Variants in DLGAP1 observed in about 807,000 individuals in gnomAD.
DLGAP1 encodes the protein disks large-associated protein 1.
DLGAP1 carries 11 observed loss-of-function variants against 90.8 expected under a neutral mutation model. The observed-to-expected ratio is 0.12, with a 90% CI of 0.08 to 0.20. The LOEUF (loss-of-function observed/expected upper bound fraction) is 0.20. DLGAP1 is among the 10% of genes least tolerant of loss of function. The pLI is 1.00. For missense variants in DLGAP1, 1,050 were observed against 1,333.8 expected (o/e 0.79, Z 3.31); for synonymous variants, 558 against 540.7 (o/e 1.03, Z -0.44).
At chr18:3,742,993 C>CCTTT (rs1236996094) in intron 5 of DLGAP1, among the ~76,000 whole-genome samples, 1 of 149,692 alleles carries the variant, frequency 6.7e-6, no homozygotes, top group Non-Finnish European at 1.5e-5. Context: ...TTCCTTCCTT[C>CCTTT]CATCTTTAAC....
rs187238526 is a variant in DLGAP1 at position 3,584,102 on chromosome 18, G to T, written c.1592-1854C>A. 2.2e-3 allele frequency among the ~76,000 whole-genome samples: 336 copies of T among 152,260 alleles called. 1 individual carries two copies. Among genetic ancestry groups the T allele is most frequent in the African/African-American group, 7.9e-3 (329 of 41,546 alleles). On this transcript the variant is annotated intron_variant, in intron 7 of 12. Coordinates refer to ENST00000315677, the MANE Select transcript of DLGAP1 (RefSeq NM_004746.4). ...TGAGGGTTTTGAAGAAGCTTTACAC[G>T]TTGGCTTTCAGTTTCTCATTTGTAA...
chr18:3,950,616 A>ATGAT (rs1416070153), intron 3 of DLGAP1, among the ~76,000 whole-genome samples: 1 of 152,246 alleles, frequency 6.6e-6, no homozygotes, highest in African/African-American at 2.4e-5. Context: ...GAATGAATGA[A>ATGAT]TGATGAACAT....
In DLGAP1 at chr18:3,565,764, G is replaced by A. The variant is rs946056825; in HGVS notation, c.2057+1726C>T. 3.9e-5 allele frequency among the ~76,000 whole-genome samples: 6 copies of A among 151,998 alleles called. No individual in the cohort carries two copies. The highest frequency in any genetic ancestry group is 1.2e-4 in the African/African-American group (5 of 41,398). ...TCAGGAGAACCGCTTGAACCCAGGA[G>A]GCGGAGGTTGCAGTGAGCCGAAATT... On this transcript the variant is annotated intron_variant, in intron 9 of 12. Coordinates refer to ENST00000315677, the MANE Select transcript of DLGAP1 (RefSeq NM_004746.4). The surrounding 1 kb of genome is among the most constrained non-coding windows in gnomAD (Gnocchi z 4.0).
chr18:4,272,875 C>T (rs2079317426), intron 1 of DLGAP1, among the ~76,000 whole-genome samples: 1 of 152,114 alleles, frequency 6.6e-6, no homozygotes. Context: ...CGACAGGTAT[C>T]CTTACAAGAA....
intron 3 of DLGAP1, among the ~76,000 whole-genome samples, chr18:3,952,674 T>C (rs935702983): frequency 2.0e-5 from 3 of 152,192 alleles, no homozygotes; most frequent in African/African-American, 7.2e-5. Flanking sequence ...ACTGAACATA[T>C]ACTCATTGGT....
chr18:4,286,903 T>A (rs1014398007), intron 1 of DLGAP1, among the ~76,000 whole-genome samples: 2 of 152,000 alleles, frequency 1.3e-5, no homozygotes, highest in African/African-American at 4.8e-5. Context: ...TTTTTAACGA[T>A]AATTGGGGGA....
At chr18:4,070,197 G>A (rs2143450321) in intron 2 of DLGAP1, among the ~76,000 whole-genome samples, 1 of 152,144 alleles carries the variant, frequency 6.6e-6, no homozygotes, top group Middle Eastern at 3.4e-3. Flanking sequence ...TGGCTACGTT[G>A]GTCCTGAACT....
At chr18:3,609,861 C>T (rs2057515818) in intron 7 of DLGAP1, among the ~76,000 whole-genome samples, 1 of 151,338 alleles carries the variant, frequency 6.6e-6, no homozygotes, top group Non-Finnish European at 1.5e-5. Context: ...AGTTCAAGAC[C>T]AGCCTGGCCA....
At chr18:4,418,336 C>A (rs2082950634) in intron 1 of DLGAP1, among the ~76,000 whole-genome samples, 1 of 152,086 alleles carries the variant, frequency 6.6e-6, no homozygotes, top group South Asian at 2.1e-4. Context: ...ACAGAAACCA[C>A]CAACACACTC....
intron 1 of DLGAP1, among the ~76,000 whole-genome samples, chr18:4,371,746 T>A (rs2081920759): frequency 6.6e-6 from 1 of 152,084 alleles, no homozygotes. Flanking sequence ...GGCAAAATGG[T>A]AAAAAGGCAA....
At position 4,383,330 on chromosome 18, in the gene DLGAP1, TAAACTC is replaced by T. The variant is rs748649241; in HGVS notation, c.-267+71670_-267+71675del. On this transcript the variant is annotated intron_variant, in intron 1 of 12. Transcript: ENST00000315677. This position sits in a 1 kb window ranked among gnomAD's most constrained non-coding sequence, Gnocchi z 4.0. ...ATTAATGAGTAAAATAATATGTACT[TAAACTC>T]AAAATATTTAGTACATTAATGGGAT... 1.5e-4 allele frequency among the ~76,000 whole-genome samples: 23 copies of T among 152,166 alleles called. No individual in the cohort carries two copies. The highest frequency in any genetic ancestry group is 7.4e-5 in the Non-Finnish European group (5 of 68,020).
chr18:4,231,494 C>T (rs112873951), intron 1 of DLGAP1, among the ~76,000 whole-genome samples: 49 of 152,168 alleles, frequency 3.2e-4, no homozygotes, highest in African/African-American at 1.1e-3. Flanking sequence ...CCTGCACCTT[C>T]ACTGCTTTGG....
chr18:4,009,754 T>C lies in DLGAP1; in HGVS notation c.-158-4553A>G, dbSNP rs186165999. The stretch of plus-strand genomic sequence containing the variant: ...TGGTAGGGATGGGTTTGTTTAGTAG[T>C]GATTTCAAGCTGAAGAATGACAGCA... On this transcript the variant is annotated intron_variant, in intron 2 of 12. Coordinates refer to ENST00000315677, the MANE Select transcript of DLGAP1 (RefSeq NM_004746.4). Among the ~76,000 whole-genome samples the C allele has an allele frequency of 2.6e-5, 4 of 152,284 alleles. No homozygotes were observed. In the East Asian group the frequency reaches 7.7e-4, roughly 29 times the overall value.
intron 1 of DLGAP1, among the ~76,000 whole-genome samples, chr18:4,415,581 T>G (rs181690199): frequency 6.6e-6 from 1 of 152,310 alleles, no homozygotes; most frequent in Non-Finnish European, 1.5e-5. Flanking sequence ...ATTAACTTTT[T>G]TTACTATAAT....
At chr18:3,540,744 C>T (rs896019530) in intron 9 of DLGAP1, among the ~76,000 whole-genome samples, 1 of 152,110 alleles carries the variant, frequency 6.6e-6, no homozygotes, top group African/African-American at 2.4e-5. Context: ...TGCTTAAATA[C>T]ATCATGCTTG....
intron 1 of DLGAP1, among the ~76,000 whole-genome samples, chr18:4,243,759 G>A (rs2078594316): frequency 6.6e-6 from 1 of 152,198 alleles, no homozygotes; most frequent in Admixed American, 6.5e-5. Context: ...AATAAGGAAA[G>A]TGGGATGTTT....
chr18:4,445,408 T>C (rs1006190883), intron 1 of DLGAP1, among the ~76,000 whole-genome samples: 2 of 151,018 alleles, frequency 1.3e-5, no homozygotes, highest in African/African-American at 4.9e-5. Context: ...TAACTCGTCA[T>C]CTAGCATTAG....
chr18:3,619,280 A>G (rs1030365490), intron 7 of DLGAP1, among the ~76,000 whole-genome samples: 9 of 152,318 alleles, frequency 5.9e-5, no homozygotes, highest in African/African-American at 2.2e-4. Flanking sequence ...AAAAATTCCA[A>G]AGGTAATAAG....
chr18:3,617,544 TCCCA>T (rs1251898744), intron 7 of DLGAP1, among the ~76,000 whole-genome samples: 8 of 139,298 alleles, frequency 5.7e-5, no homozygotes. Flanking sequence ...TGAGCTGAGA[TCCCA>T]CCATTGCACT....
Sources: gnomAD v4.1 joint callset for allele counts (sites outside exome capture counted in the v4.1 genomes callset) on GRCh38, gnomAD v4.1.1 for gene constraint, Gnocchi (gnomAD v3.1) non-coding constraint, MANE v1.5 for transcripts, NCBI Gene and HGNC (gene_info 2026-07-23, HGNC 2026-07-21) for gene names.